The following TACC2 variants were observed in gnomAD, a reference collection of about 807,000 sequenced individuals.
The protein encoded by TACC2 is transforming acidic coiled-coil-containing protein 2.
Under a neutral mutation model 227.3 loss-of-function variants are expected in TACC2, and 137 were observed. The ratio of observed to expected loss-of-function variants is 0.60; its 90% CI spans 0.52 to 0.69. TACC2 has a LOEUF of 0.69. Among genes scored for constraint, TACC2 ranks in the 30% least tolerant of loss-of-function variants. The pLI, the probability that TACC2 is intolerant of heterozygous loss-of-function variation, is 0.00. For missense variants in TACC2, 3,470 were observed against 3,694.4 expected (o/e 0.94, Z 1.57); for synonymous variants, 1,523 against 1,487.5 (o/e 1.02, Z -0.55).
At chr10:122,228,522 A>G (rs2095670989) in intron 14 of TACC2, among the ~76,000 whole-genome samples, 1 of 152,192 alleles carries the variant, frequency 6.6e-6, no homozygotes, top group South Asian at 2.1e-4. Context: ...CACGTGTCAC[A>G]TGGCCTTGTG....
Position 122,195,127 on chromosome 10 carries a change from A to G in TACC2, c.5922A>G (p.Glu1974=), listed in dbSNP as rs368856332. 9 of 1,611,676 alleles carry G rather than the reference A, an allele frequency of 5.6e-6. No homozygotes were observed. Among genetic ancestry groups the G allele is most frequent in the Non-Finnish European group, 7.6e-6 (9 of 1,178,744 alleles). The change falls in exon 8 of 23, where the codon GAA becomes GAG. Residue 1974 remains glutamate (E), a synonymous_variant. Coordinates refer to ENST00000369005, the MANE Select transcript of TACC2 (RefSeq NM_206862.4). The part of the protein sequence containing the change: ...APPAPPPPPP[E]VIPEPEVSTQ... ...CAGCTCCACCCCCACCACCCCCCGA[A>G]GTCATCCCAGAACCCGAGGTCAGCA...
Position 122,083,688 on chromosome 10 carries a change from G to C in TACC2, c.1188G>C (p.Gln396His). Residue 396 changes from glutamine to histidine, a missense_variant, in exon 4 of 23, where the codon CAG (glutamine) becomes CAC (histidine). Physicochemically the swap from Gln to His is conservative, Grantham distance 24. Transcript: ENST00000369005. ...TTGTCTGTGTGGCAGCAGGCGGCCA[G>C]CCCGAAGGGGGTTTGCCTGTGAGCC... is the stretch of plus-strand genomic sequence containing the variant. The part of the protein sequence containing the change: ...NQVVCVAAGG[Q>H]PEGGLPVSPE... 6.2e-7 allele frequency: 1 copy of C among 1,612,756 alleles called. No homozygotes were observed. Among genetic ancestry groups the C allele is most frequent in the Non-Finnish European group, 8.5e-7 (1 of 1,180,044 alleles).
At chr10:122,007,592 T>C (rs1311629714) in intron 1 of TACC2, among the ~76,000 whole-genome samples, 1 of 152,242 alleles carries the variant, frequency 6.6e-6, no homozygotes, top group African/African-American at 2.4e-5. Context: ...ACAGGATTCC[T>C]AGTTTAACAG....
chr10:122,080,211 C>CTTTTTTTTTTT (rs111618289), intron 3 of TACC2, among the ~76,000 whole-genome samples: 2 of 113,200 alleles, frequency 1.8e-5, no homozygotes, highest in African/African-American at 4.0e-5. Context: ...TCTTCCTTTC[C>CTTTTTTTTTTT]TTTTTTTTTT....
intron 7 of TACC2, among the ~76,000 whole-genome samples, chr10:122,152,683 A>C (rs1369382535): frequency 6.6e-6 from 1 of 152,214 alleles, no homozygotes; most frequent in Non-Finnish European, 1.5e-5. Context: ...CTCTGCCAAC[A>C]CAGCCTGAGA....
intron 7 of TACC2, among the ~76,000 whole-genome samples, chr10:122,170,263 CTTTTTTTT>C (rs34194262): frequency 3.2e-5 from 2 of 63,198 alleles, no homozygotes; most frequent in South Asian, 6.4e-4. Flanking sequence ...ATGATCAAGT[CTTTTTTTT>C]TTTTTTTTTT....
At chr10:122,091,300 A>G (rs546998781) in intron 5 of TACC2, among the ~76,000 whole-genome samples, 3 of 152,340 alleles carry the variant, frequency 2.0e-5, no homozygotes, top group Non-Finnish European at 4.4e-5. Context: ...TATAATGTTA[A>G]TTATATGCAA....
At chr10:122,096,357 C>G (rs1298572848) in intron 5 of TACC2, among the ~76,000 whole-genome samples, 1 of 152,174 alleles carries the variant, frequency 6.6e-6, no homozygotes, top group Non-Finnish European at 1.5e-5. Flanking sequence ...GCGCTTGTGG[C>G]AAACCCTCCC....
At chr10:122,244,110 A>G (rs1005984567) in intron 19 of TACC2, among the ~76,000 whole-genome samples, 1 of 152,158 alleles carries the variant, frequency 6.6e-6, no homozygotes, top group Non-Finnish European at 1.5e-5. Context: ...CAAGCCCTGG[A>G]GAGAATGCCA....
intron 2 of TACC2, among the ~76,000 whole-genome samples, chr10:122,031,738 T>A (rs1959005805): frequency 6.8e-6 from 1 of 147,916 alleles, no homozygotes; most frequent in Admixed American, 6.8e-5. Flanking sequence ...AGAGTCTCAC[T>A]CTGTCACCTA....
intron 6 of TACC2, among the ~76,000 whole-genome samples, chr10:122,139,124 T>A (rs984961590): frequency 6.6e-6 from 1 of 152,230 alleles, no homozygotes; most frequent in Non-Finnish European, 1.5e-5. Context: ...TTATCACTTT[T>A]CCCTTGGTGA....
rs1176369997 is a variant in TACC2, at chr10:122,237,468, T to C, written c.8201T>C (p.Val2734Ala). 2 of 1,613,818 alleles carry C rather than the reference T, an allele frequency of 1.2e-6. No individual in the cohort carries two copies. Among genetic ancestry groups the C allele is most frequent in the African/African-American group, 2.7e-5 (2 of 74,830 alleles). Residue 2734 changes from valine (V) to alanine (A), a missense_variant, in exon 17 of 23, where the codon GTG becomes GCG. By Grantham distance (64) the Val-to-Ala change is moderately conservative. Around this residue, in one of 10 missense-constraint regions of TACC2, gnomAD observed 345 missense variants for 354.4 expected, o/e 0.97. Coordinates refer to ENST00000369005, the MANE Select transcript of TACC2 (RefSeq NM_206862.4). ...TACTCCCGCATCGGGACCGCTGAGGTGGAGAAACCTGCAGGCCTTCTGTTC... is the reference window on the plus strand; with the variant it reads ...TACTCCCGCATCGGGACCGCTGAGGCGGAGAAACCTGCAGGCCTTCTGTTC... ...ALYSRIGTAE[V>A]EKPAGLLFQQ... is the part of the protein sequence containing the mutation.
At chr10:121,993,206 AT>A (rs1953109150) in intron 1 of TACC2, among the ~76,000 whole-genome samples, 1 of 152,222 alleles carries the variant, frequency 6.6e-6, no homozygotes, top group South Asian at 2.1e-4. Flanking sequence ...GTATTACAGC[AT>A]TTTAGTTATT....
At chr10:122,012,342 C>T (rs1591023644) in intron 1 of TACC2, among the ~76,000 whole-genome samples, 1 of 145,546 alleles carries the variant, frequency 6.9e-6, no homozygotes, top group African/African-American at 2.5e-5. Flanking sequence ...ATCGCTTGAA[C>T]CCAGGAGGCG....
intron 7 of TACC2, among the ~76,000 whole-genome samples, chr10:122,161,908 G>A (rs2092836721): frequency 6.6e-6 from 1 of 152,196 alleles, no homozygotes; most frequent in Non-Finnish European, 1.5e-5. Context: ...AGCCGAAGAG[G>A]TCTGTTTTCT....
At chr10:122,182,222 T>G (rs1428340912) in intron 7 of TACC2, among the ~76,000 whole-genome samples, 1 of 152,232 alleles carries the variant, frequency 6.6e-6, no homozygotes, top group Non-Finnish European at 1.5e-5. Context: ...GCAGCTACTC[T>G]GGGCAGGACC....
At chr10:122,010,004 ACT>A (rs1231596885) in intron 1 of TACC2, among the ~76,000 whole-genome samples, 4 of 151,758 alleles carry the variant, frequency 2.6e-5, no homozygotes, top group African/African-American at 9.7e-5. Context: ...GTTAGCGAAA[ACT>A]CTCTCTGAGG....
rs555182244 is a variant in TACC2 at position 122,042,854 on chromosome 10, A to G, written c.34-7584A>G. Among the ~76,000 whole-genome samples the G allele has an allele frequency of 2.6e-5, 4 of 152,308 alleles. No individual in the cohort carries two copies. In the South Asian group the frequency reaches 8.3e-4, roughly 32 times the overall value. On this transcript the variant is annotated intron_variant, in intron 2 of 22. Coordinates refer to ENST00000369005, the MANE Select transcript of TACC2 (RefSeq NM_206862.4). ...ACCATGCTGCTGTAGCATGAAAATG[A>G]GTGGATACAGGGATTCTAGAGGGGC... is the stretch of plus-strand genomic sequence containing the variant.
chr10:122,129,084 T>TC (rs2087508272), intron 5 of TACC2, among the ~76,000 whole-genome samples: 1 of 148,100 alleles, frequency 6.8e-6, no homozygotes, highest in Admixed American at 6.8e-5. Context: ...TTATTATTAT[T>TC]ATTATTATTA....
Sources: allele counts gnomAD v4.1 joint callset (sites outside exome capture counted in the v4.1 genomes callset), GRCh38; gene constraint gnomAD v4.1.1; regional missense constraint gnomAD v4.1.1; transcripts MANE v1.5; gene names NCBI Gene and HGNC (gene_info 2026-07-23, HGNC 2026-07-21).